The following TTC38 variants were observed in gnomAD, a reference collection of about 807,000 sequenced individuals.
TTC38 encodes tetratricopeptide repeat protein 38.
In TTC38, 64 loss-of-function variants were observed where a neutral mutation model predicts 64.2. That is an observed-to-expected ratio of 1.00 (90% confidence interval 0.81 to 1.23). The LOEUF (loss-of-function observed/expected upper bound fraction) is 1.23. Among genes scored for constraint, TTC38 ranks in the 50% most tolerant of loss-of-function variants. The pLI, the probability that TTC38 is intolerant of heterozygous loss-of-function variation, is 0.00. For missense variants in TTC38, 573 were observed against 615.5 expected (o/e 0.93, Z 0.73); for synonymous variants, 254 against 249.3 (o/e 1.02, Z -0.18).
Position 46,270,679 on chromosome 22 carries a change from A to T in TTC38, c.112-1656A>T, listed in dbSNP as rs1936875406. Among the ~76,000 whole-genome samples the T allele has an allele frequency of 6.6e-6, 1 of 152,034 alleles. No individual in the cohort carries two copies. The highest frequency in any genetic ancestry group is 1.5e-5 in the Non-Finnish European group (1 of 67,994). ...GAAACCCTGTCTCTACTAAAAATAT[A>T]AAAAAATTAGCCGGGCATGGTGGCA... is the stretch of plus-strand genomic sequence containing the variant. On this transcript the variant is annotated intron_variant, in intron 2 of 13. Transcript: ENST00000381031. This position sits in a 1 kb window ranked among gnomAD's most constrained non-coding sequence, Gnocchi z 4.7.
intron 11 of TTC38, 50 bp downstream of exon 11, chr22:46,288,638 G>A: frequency 1.3e-6 from 2 of 1,578,452 alleles, no homozygotes; most frequent in Non-Finnish European, 1.7e-6. Context: ...TGCCGAGAGG[G>A]TGAGGGGGTG....
chr22:46,269,361 A>G (rs1027039999), intron 2 of TTC38: 1 of 190,900 alleles, frequency 5.2e-6, no homozygotes, highest in Admixed American at 6.2e-5. Context: ...TCTACCAATG[A>G]AGGGTCCTAT....
At chr22:46,277,493 T>C (rs1379328280) in intron 5 of TTC38, among the ~76,000 whole-genome samples, 2 of 150,958 alleles carry the variant, frequency 1.3e-5, no homozygotes, top group Non-Finnish European at 2.9e-5. Context: ...TAATCCCAGC[T>C]ACTCAGGAGA....
At position 46,268,009 on chromosome 22, in the gene TTC38, G is replaced by A. The variant is rs1367429408; in HGVS notation, c.-31G>A. The A allele has an allele frequency of 2.0e-6, 3 of 1,526,504 alleles. No homozygotes were observed. The highest frequency in any genetic ancestry group is 1.4e-5 in the African/African-American group (1 of 70,460). The allele number at this position is 1,526,504 out of a possible 1,614,324, so 94.6% of individuals were successfully genotyped here. A position where few individuals can be genotyped will look rare whatever the true frequency, so the allele number is the denominator to read the frequency against. On this transcript the variant is annotated 5_prime_UTR_variant, in exon 1 of 14. Coordinates refer to ENST00000381031, the MANE Select transcript of TTC38 (RefSeq NM_017931.4). ...ACTCCCAGGAAGGCCCGGGTGCCCAGAGCTCGCGGTGGACTCCGACCCGGC... is the reference window on the plus strand; with the variant it reads ...ACTCCCAGGAAGGCCCGGGTGCCCAAAGCTCGCGGTGGACTCCGACCCGGC...
intron 2 of TTC38, among the ~76,000 whole-genome samples, chr22:46,269,857 G>A (rs1382298989): frequency 6.6e-6 from 1 of 152,198 alleles, no homozygotes; most frequent in African/African-American, 2.4e-5. Flanking sequence ...CAATGGCGCA[G>A]TCTTGACTCA....
intron 9 of TTC38, among the ~76,000 whole-genome samples, chr22:46,285,635 C>T (rs6007785): frequency 6.6e-6 from 1 of 151,172 alleles, no homozygotes; most frequent in Non-Finnish European, 1.5e-5. Context: ...CAGAGTTTCG[C>T]TCTTGTTGCC....
chr22:46,280,332 G>A (rs952843577), intron 6 of TTC38: 12 of 391,254 alleles, frequency 3.1e-5, no homozygotes, highest in Non-Finnish European at 5.2e-5. Context: ...CAGGAGCCAG[G>A]GCTGTAGAGG....
rs920381666 is a variant in TTC38 at position 46,278,777 on chromosome 22, C to A, written c.615+116C>A. On this transcript the variant is annotated intron_variant, in intron 6 of 13. Transcript: ENST00000381031. Reference sequence around the variant, plus strand: ...CCGGCGAACCCCATCCCTGGTCTCACTTCCTCAGAGAGACTGGGGAGCTCA... The same window carrying A: ...CCGGCGAACCCCATCCCTGGTCTCAATTCCTCAGAGAGACTGGGGAGCTCA... 3.5e-6 allele frequency: 3 copies of A among 860,154 alleles called. No individual in the cohort carries two copies. The Admixed American group carries it at 5.3e-5, about 15-fold the overall frequency. The allele number at this position is 860,154 out of a possible 1,614,324, so 53.3% of individuals were successfully genotyped here.
At position 46,284,046 on chromosome 22, in the gene TTC38, C is replaced by T. The variant is rs761538315; in HGVS notation, c.795+14C>T. On this transcript the variant is annotated intron_variant, in intron 8 of 13. Transcript: ENST00000381031. ...CTGATTGAGAAGGTAAGGTGACCAT[C>T]TGTTTGCACTGTCTTATCCTATAAA... 19 of 1,596,802 alleles carry T rather than the reference C, an allele frequency of 1.2e-5. No homozygotes were observed. Among genetic ancestry groups the T allele is most frequent in the Non-Finnish European group, 1.6e-5 (19 of 1,169,146 alleles).
rs1288375384 is a variant in TTC38 at position 46,275,603 on chromosome 22, G to A, written c.539+182G>A. Among the ~76,000 whole-genome samples, 1 of 152,198 alleles carries A rather than the reference G, an allele frequency of 6.6e-6. No homozygotes were observed. On this transcript the variant is annotated intron_variant, in intron 5 of 13. Coordinates refer to ENST00000381031, the MANE Select transcript of TTC38 (RefSeq NM_017931.4). This position sits in a 1 kb window ranked among gnomAD's most constrained non-coding sequence, Gnocchi z 4.5. ...TGATTTTCATCCCACCTGTGAATGA[G>A]GTAGTACCATTATGTATCAGTCAGC...
At chr22:46,280,590 A>AG (rs558261892) in intron 6 of TTC38, among the ~76,000 whole-genome samples, 17 of 152,314 alleles carry the variant, frequency 1.1e-4, no homozygotes, top group Admixed American at 9.8e-4. Flanking sequence ...GCCCCTGCCC[A>AG]GGGGTGCCCA....
At position 46,288,602 on chromosome 22, in the gene TTC38, C is replaced by A; in HGVS notation, c.1082+14C>A. ...GGACGCCAGCGAGTATGCAGAGGGG[C>A]CTTCTCGGGGTGGGGGTCCTCACCC... On this transcript the variant is annotated intron_variant, in intron 11 of 13. Transcript: ENST00000381031. 6.2e-7 allele frequency: 1 copy of A among 1,611,898 alleles called. No homozygotes were observed.
chr22:46,279,385 C>T, intron 6 of TTC38, among the ~76,000 whole-genome samples: 1 of 152,248 alleles, frequency 6.6e-6, no homozygotes, highest in East Asian at 1.9e-4. Context: ...CCACACAGCT[C>T]TGCCCACGTG....
rs73177060 is a variant in TTC38, at chr22:46,272,455, A to G, written c.193+39A>G. 0.059 allele frequency: 90,349 copies of G among 1,523,036 alleles called. 9,000 individuals are homozygous for G. The highest frequency in any genetic ancestry group is 0.45 in the African/African-American group (33,076 of 73,344). 94.3% of individuals were successfully genotyped at this position (1,523,036 alleles called of 1,614,324 possible). A position where few individuals can be genotyped will look rare whatever the true frequency, so the allele number is the denominator to read the frequency against. ...TCCCTGGGTGGAGGAGCCCCGCTTC[A>G]CACATCCAGCCCCTCTCTTTCCTTT... is the stretch of plus-strand genomic sequence containing the variant. On this transcript the variant is annotated intron_variant, in intron 3 of 13. Coordinates refer to ENST00000381031, the MANE Select transcript of TTC38 (RefSeq NM_017931.4). The surrounding 1 kb of genome is among the most constrained non-coding windows in gnomAD (Gnocchi z 6.4).
intron 12 of TTC38, 78 bp from the exon 13 acceptor site, chr22:46,289,748 A>G: frequency 1.3e-6 from 2 of 1,538,188 alleles, no homozygotes; most frequent in Non-Finnish European, 1.8e-6. Context: ...CCTGGAGAGC[A>G]GGCAGCCCGC....
In TTC38 at chr22:46,291,813, G is replaced by T. The variant is rs1293860458; in HGVS notation, c.1317-978G>T. Among the ~76,000 whole-genome samples the T allele has an allele frequency of 6.6e-6, 1 of 152,136 alleles. No homozygotes were observed. Among genetic ancestry groups the T allele is most frequent in the Non-Finnish European group, 1.5e-5 (1 of 68,032 alleles). ...CTACTAAAAATACAAAAAATTAGCCGGGCGTGGTGGTGGGTACCTGTAATC... is the reference window on the plus strand; with the variant it reads ...CTACTAAAAATACAAAAAATTAGCCTGGCGTGGTGGTGGGTACCTGTAATC... On this transcript the variant is annotated intron_variant, in intron 13 of 13. Transcript: ENST00000381031. This position sits in a 1 kb window ranked among gnomAD's most constrained non-coding sequence, Gnocchi z 4.6.
chr22:46,284,059 C>A, intron 8 of TTC38, 27 bp downstream of exon 8: 2 of 1,579,878 alleles, frequency 1.3e-6, no homozygotes, highest in Admixed American at 1.8e-5. Context: ...TTTGCACTGT[C>A]TTATCCTATA....
In TTC38 at chr22:46,275,393, T is replaced by A. The variant is rs1439529648; in HGVS notation, c.511T>A (p.Phe171Ile). 1.2e-6 allele frequency: 2 copies of A among 1,613,922 alleles called. No homozygotes were observed. The highest frequency in any genetic ancestry group is 3.3e-5 in the Admixed American group (2 of 59,994). ...AGATTCTGTTGCTCGAATTTACCCCTTCTGGACACCTGACATCCCCCTAAG... is the reference window on the plus strand; with the variant it reads ...AGATTCTGTTGCTCGAATTTACCCCATCTGGACACCTGACATCCCCCTAAG... ...MRDSVARIYP[F>I]WTPDIPLSSY... is the part of the protein sequence containing the mutation. The change falls in exon 5 of 14, where the codon TTC becomes ATC. Residue 171 changes from phenylalanine to isoleucine, a missense_variant. This residue lies in a region of TTC38 where 68 missense variants were observed against 107.3 expected (regional missense o/e 0.63). Transcript: ENST00000381031. This position sits in a 1 kb window ranked among gnomAD's most constrained non-coding sequence, Gnocchi z 4.5.
intron 5 of TTC38, 113 bp from the exon 6 acceptor site, chr22:46,278,472 AG>A: frequency 1.2e-6 from 1 of 851,852 alleles, no homozygotes. Context: ...TTTCCAAAAA[AG>A]GTCACATTCC....
Sources: gnomAD v4.1 joint callset for allele counts (sites outside exome capture counted in the v4.1 genomes callset) on GRCh38, gnomAD v4.1.1 for gene constraint, gnomAD v4.1.1 regional missense constraint, Gnocchi (gnomAD v3.1) non-coding constraint, MANE v1.5 for transcripts, NCBI Gene and HGNC (gene_info 2026-07-23, HGNC 2026-07-21) for gene names.